KCNIP3: variants seen among roughly 807,000 people sequenced by gnomAD.
KCNIP3 encodes potassium voltage-gated channel interacting protein 3.
Under a neutral mutation model 35.0 loss-of-function variants are expected in KCNIP3, and 28 were observed. That is an observed-to-expected ratio of 0.80 (90% CI 0.59 to 1.10). KCNIP3 has a LOEUF of 1.10. KCNIP3 is among the 50% of genes least tolerant of loss of function. The pLI is 0.00. For missense variants in KCNIP3, 295 were observed against 338.4 expected (o/e 0.87, Z 1.01); for synonymous variants, 134 against 133.8 (o/e 1.00, Z -0.01).
chr2:95,335,837 C>T (rs1306530809), intron 2 of KCNIP3, among the ~76,000 whole-genome samples: 3 of 152,068 alleles, frequency 2.0e-5, no homozygotes, highest in Non-Finnish European at 4.4e-5. Context: ...TTTTTTACTT[C>T]GACCCACATA....
chr2:95,384,131 CT>C lies in KCNIP3; in HGVS notation c.*86del. 7.8e-7 allele frequency: 1 copy of C among 1,287,194 alleles called. No individual in the cohort carries two copies. Among genetic ancestry groups the C allele is most frequent in the Non-Finnish European group, 1.1e-6 (1 of 885,592 alleles). The allele number at this position is 1,287,194 out of a possible 1,614,324, so 79.7% of individuals were successfully genotyped here. A position where few individuals can be genotyped will look rare whatever the true frequency, so the allele number is the denominator to read the frequency against. On this transcript the variant is annotated 3_prime_UTR_variant, in exon 9 of 9. Coordinates refer to ENST00000295225, the MANE Select transcript of KCNIP3 (RefSeq NM_013434.5). ...CCTGCCAGGAGCAGCCTCCAAGAAACTTTTAAAAAATAGATTTGCAAAAAGT... is the reference window on the plus strand; with the variant it reads ...CCTGCCAGGAGCAGCCTCCAAGAAACTTTAAAAAATAGATTTGCAAAAAGT...
At position 95,372,897 on chromosome 2, in the gene KCNIP3, G is replaced by T. The variant is rs189333203; in HGVS notation, c.182-1399G>T. ...CCAATTGCTGAGCAGCTTTCAGGGT[G>T]CTCTTGTGGTTAGTGTGAGTGGGCA... On this transcript the variant is annotated intron_variant, in intron 2 of 8. Transcript: ENST00000295225. Among the ~76,000 whole-genome samples the T allele has an allele frequency of 1.2e-3, 188 of 152,368 alleles. 3 individuals are homozygous for T. The highest frequency in any genetic ancestry group is 2.1e-4 in the Non-Finnish European group (14 of 68,040).
intron 2 of KCNIP3, among the ~76,000 whole-genome samples, chr2:95,325,926 CAT>C (rs746588488): frequency 9.4e-5 from 14 of 149,448 alleles, no homozygotes; most frequent in African/African-American, 1.5e-4. Flanking sequence ...CATACACACT[CAT>C]ACACATACAC....
intron 2 of KCNIP3, among the ~76,000 whole-genome samples, chr2:95,357,072 C>G (rs1461640779): frequency 6.6e-6 from 1 of 152,184 alleles, no homozygotes; most frequent in Non-Finnish European, 1.5e-5. Context: ...TGATGTTGCT[C>G]TAGGCTGGGA....
rs562479788 is a variant in KCNIP3 at position 95,357,823 on chromosome 2, C to A, written c.182-16473C>A. 1.2e-3 allele frequency among the ~76,000 whole-genome samples: 186 copies of A among 152,344 alleles called. 1 individual carries two copies. Among genetic ancestry groups the A allele is most frequent in the African/African-American group, 4.2e-3 (175 of 41,572 alleles). ...GTCACACCCCAGCCTGGTGCCCTGC[C>A]TTGCTGGCCTCGCCTTGCTGTGGCT... is the stretch of plus-strand genomic sequence containing the variant. On this transcript the variant is annotated intron_variant, in intron 2 of 8. Coordinates refer to ENST00000295225, the MANE Select transcript of KCNIP3 (RefSeq NM_013434.5).
intron 2 of KCNIP3, among the ~76,000 whole-genome samples, chr2:95,336,692 T>G (rs1679067954): frequency 6.6e-6 from 1 of 152,236 alleles, no homozygotes; most frequent in Non-Finnish European, 1.5e-5. Flanking sequence ...GGCGAGCATT[T>G]AAATTCCTGG....
intron 1 of KCNIP3, among the ~76,000 whole-genome samples, chr2:95,300,789 G>A (rs1177051804): frequency 3.9e-5 from 6 of 152,240 alleles, no homozygotes; most frequent in Admixed American, 6.5e-5. Flanking sequence ...GGAGGGCAGC[G>A]TGGGGGTGGC....
intron 1 of KCNIP3, among the ~76,000 whole-genome samples, chr2:95,307,771 T>G (rs1277268216): frequency 2.6e-5 from 4 of 151,560 alleles, no homozygotes; most frequent in African/African-American, 9.7e-5. Flanking sequence ...GGGCTGGGGG[T>G]CCCAGTGAAG....
intron 2 of KCNIP3, among the ~76,000 whole-genome samples, chr2:95,337,750 T>A (rs1679095421): frequency 6.6e-6 from 1 of 152,234 alleles, no homozygotes; most frequent in South Asian, 2.1e-4. Context: ...GATGATGTCC[T>A]CACCTCTCCA....
rs1383297665 is a variant in KCNIP3, at chr2:95,378,777, TATAC to T, written c.448-2817_448-2814del. Among the ~76,000 whole-genome samples, 1 of 150,258 alleles carries T rather than the reference TATAC, an allele frequency of 6.7e-6. No homozygotes were observed. The highest frequency in any genetic ancestry group is 1.5e-5 in the Non-Finnish European group (1 of 67,646). On this transcript the variant is annotated intron_variant, in intron 5 of 8. Coordinates refer to ENST00000295225, the MANE Select transcript of KCNIP3 (RefSeq NM_013434.5). This position sits in a 1 kb window ranked among gnomAD's most constrained non-coding sequence, Gnocchi z 4.0. Reference sequence around the variant, plus strand: ...AAAACAAAAACAAAATATATATATATATACACACACACACACACATATATATATA... The same window carrying T: ...AAAACAAAAACAAAATATATATATATACACACACACACACATATATATATA...
At chr2:95,368,681 A>T (rs938875184) in intron 2 of KCNIP3, 1 of 285,994 alleles carries the variant, frequency 3.5e-6, no homozygotes, top group African/African-American at 2.2e-5. Context: ...AGTGTCTGTC[A>T]TCAGCAGTGG....
At chr2:95,301,879 C>A (rs562923689) in intron 1 of KCNIP3, among the ~76,000 whole-genome samples, 5 of 151,988 alleles carry the variant, frequency 3.3e-5, no homozygotes, top group African/African-American at 1.2e-4. Flanking sequence ...TGTGTGTGCG[C>A]GCTCATAGGT....
At chr2:95,300,948 G>T (rs6757300) in intron 1 of KCNIP3, among the ~76,000 whole-genome samples, 1 of 152,198 alleles carries the variant, frequency 6.6e-6, no homozygotes, top group Non-Finnish European at 1.5e-5. Context: ...TCACCTCCCA[G>T]CCTGCCCAAC....
intron 2 of KCNIP3, among the ~76,000 whole-genome samples, chr2:95,362,463 C>T (rs2104286998): frequency 6.6e-6 from 1 of 152,274 alleles, no homozygotes; most frequent in Middle Eastern, 3.4e-3. Context: ...AACCTTGTGA[C>T]CCCACGTAAC....
At chr2:95,373,900 A>T (rs1351714089) in intron 2 of KCNIP3, among the ~76,000 whole-genome samples, 1 of 152,216 alleles carries the variant, frequency 6.6e-6, no homozygotes, top group Non-Finnish European at 1.5e-5. Context: ...GGAGGGCCAC[A>T]TGGAGGAAGT....
chr2:95,301,183 T>C (rs1482327599), intron 1 of KCNIP3, among the ~76,000 whole-genome samples: 1 of 152,212 alleles, frequency 6.6e-6, no homozygotes, highest in Non-Finnish European at 1.5e-5. Flanking sequence ...AGTCTTCCCA[T>C]CTGGGTCTGA....
chr2:95,302,927 A>G (rs1678075108), intron 1 of KCNIP3: 2 of 152,742 alleles, frequency 1.3e-5, no homozygotes, highest in Admixed American at 1.3e-4. Flanking sequence ...ATCTGGGAGG[A>G]GTCAGCGATG....
chr2:95,316,973 C>T (rs2104220024), intron 2 of KCNIP3, among the ~76,000 whole-genome samples: 1 of 152,318 alleles, frequency 6.6e-6, no homozygotes. Context: ...GGGGGTTGGT[C>T]AGCTCCAGTC....
At chr2:95,350,540 C>T (rs1679488168) in intron 2 of KCNIP3, among the ~76,000 whole-genome samples, 1 of 152,150 alleles carries the variant, frequency 6.6e-6, no homozygotes, top group African/African-American at 2.4e-5. Context: ...GCTGGCGAAC[C>T]TGAGGCCAGG....
Sources: allele counts gnomAD v4.1 joint callset (sites outside exome capture counted in the v4.1 genomes callset), GRCh38; gene constraint gnomAD v4.1.1; non-coding constraint Gnocchi (gnomAD v3.1); transcripts MANE v1.5; gene names NCBI Gene and HGNC (gene_info 2026-07-23, HGNC 2026-07-21).